The following DDO variants were observed in gnomAD, a reference collection of about 807,000 sequenced individuals.
DDO encodes the protein D-aspartate oxidase, DDO.
In DDO, 16 loss-of-function variants were observed where a neutral mutation model predicts 16.8. The ratio of observed to expected loss-of-function variants is 0.95; its 90% CI spans 0.65 to 1.45. The LOEUF (loss-of-function observed/expected upper bound fraction) is 1.45, where lower values mean the gene tolerates loss of function less well. Ranked by LOEUF, DDO falls within the 40% of genes most tolerant of loss-of-function variation. The probability of loss-of-function intolerance (pLI) is 0.00; values close to 1 mark genes in which losing one functional copy is unlikely to be tolerated. For missense variants in DDO, 429 were observed against 420.3 expected, an observed-to-expected ratio of 1.02 and a Z score of -0.18; for synonymous variants, 180 against 167.2, an observed-to-expected ratio of 1.08 and a Z score of -0.59.
chr6:110,398,247 A>C (rs1416674213), intron 4 of DDO, among the ~76,000 whole-genome samples: 1 of 152,098 alleles, frequency 6.6e-6, no homozygotes, highest in African/African-American at 2.4e-5. Context: ...GACTGCATCA[A>C]CCTGACCCAC....
chr6:110,410,608 G>C lies in DDO; in HGVS notation c.173-2166C>G, dbSNP rs550015887. ...CATGGTGGCAGGAAGAGAAGAATGA[G>C]AGCTGAGCTCAGCAAAGTGGGGAAA... On this transcript the variant is annotated intron_variant, in intron 2 of 4. Transcript: ENST00000368924. Among the ~76,000 whole-genome samples the C allele has an allele frequency of 9.2e-5, 14 of 152,296 alleles. 1 individual carries two copies. The South Asian group carries it at 2.7e-3, about 29-fold the overall frequency.
intron 4 of DDO, among the ~76,000 whole-genome samples, chr6:110,400,779 G>A (rs1773461649): frequency 6.6e-6 from 1 of 152,230 alleles, no homozygotes; most frequent in African/African-American, 2.4e-5. Flanking sequence ...ATAAGCTCAA[G>A]GCTATCACTA....
Position 110,392,850 on chromosome 6 carries a change from A to C in DDO, c.951T>G (p.Thr317=), listed in dbSNP as rs767657019. 1.2e-6 allele frequency: 2 copies of C among 1,613,772 alleles called. No homozygotes were observed. The highest frequency in any genetic ancestry group is 1.7e-6 in the Non-Finnish European group (2 of 1,179,792). Reference sequence around the variant, plus strand: ...TCACCAGCCTGGCGGCCTCCAGAGCAGTGCCCCAGTGCACTGAGATGCCCC... The same window carrying C: ...TCACCAGCCTGGCGGCCTCCAGAGCCGTGCCCCAGTGCACTGAGATGCCCC... ...GSGGISVHWG[T]ALEAARLVSE... The change falls in exon 5 of 5, where the codon ACT becomes ACG. Residue 317 remains threonine (T), a synonymous_variant. Transcript: ENST00000368924.
intron 1 of DDO, among the ~76,000 whole-genome samples, chr6:110,414,387 A>T (rs772160673): frequency 1.3e-5 from 2 of 152,214 alleles, no homozygotes; most frequent in Non-Finnish European, 2.9e-5. Flanking sequence ...CATCTGTAAC[A>T]CAGAACAGAT....
intron 4 of DDO, among the ~76,000 whole-genome samples, chr6:110,396,551 T>C (rs1773297335): frequency 1.3e-5 from 2 of 152,224 alleles, no homozygotes; most frequent in Non-Finnish European, 2.9e-5. Flanking sequence ...GTATATTGTT[T>C]ACCTGAGACA....
chr6:110,389,315 TAC>T (rs572064289), downstream of DDO, among the ~76,000 whole-genome samples: 53 of 152,308 alleles, frequency 3.5e-4, no homozygotes, highest in African/African-American at 1.0e-3. Flanking sequence ...GCCTCCAGCT[TAC>T]AGACAGCAGA....
chr6:110,403,147 A>G (rs887402536), intron 4 of DDO, among the ~76,000 whole-genome samples: 3 of 152,220 alleles, frequency 2.0e-5, no homozygotes, highest in Non-Finnish European at 2.9e-5. Flanking sequence ...TAAAAATGTT[A>G]TGCATTGTAT....
rs148812598 is a variant in DDO, at chr6:110,393,063, C to T, written c.738G>A (p.Pro246=). Residue 246 remains proline, a synonymous_variant, in exon 5 of 5, where the codon CCG becomes CCA. Transcript: ENST00000368924. ...TRQKGDWNLS[P]DAENSREILS... is the part of the protein sequence containing the mutation. ...GAATCTCTCTGCTATTTTCTGCATC[C>T]GGGGACAGATTCCAGTCCCCTTTTT... 2.4e-4 allele frequency: 383 copies of T among 1,613,234 alleles called. No individual in the cohort carries two copies. Among genetic ancestry groups the T allele is most frequent in the African/African-American group, 1.1e-3 (83 of 75,048 alleles).
chr6:110,392,534 C>T lies in DDO; in HGVS notation c.*241G>A. ...TTTTTTTAGAGGTGGGAACTGGCAC[C>T]TCTAAAAAATGTTACCCAGATTGCA... On this transcript the variant is annotated 3_prime_UTR_variant, in exon 5 of 5. Transcript: ENST00000368924. 1.7e-6 allele frequency: 2 copies of T among 1,199,828 alleles called. No homozygotes were observed. Among genetic ancestry groups the T allele is most frequent in the Non-Finnish European group, 2.1e-6 (2 of 968,504 alleles). 74.3% of individuals were successfully genotyped at this position (1,199,828 alleles called of 1,614,324 possible). A position where few individuals can be genotyped will look rare whatever the true frequency, so the allele number is the denominator to read the frequency against.
downstream of DDO, among the ~76,000 whole-genome samples, chr6:110,391,192 G>C (rs897148368): frequency 6.6e-6 from 1 of 152,150 alleles, no homozygotes; most frequent in African/African-American, 2.4e-5. Context: ...CTGAATGAAC[G>C]CAACAGTAAA....
chr6:110,411,638 T>C (rs940227606), intron 2 of DDO, among the ~76,000 whole-genome samples: 32 of 151,406 alleles, frequency 2.1e-4, no homozygotes, highest in African/African-American at 7.5e-4. Flanking sequence ...GAAAGTAAAA[T>C]AGAGAGAGAT....
At chr6:110,389,164 C>T (rs1467740577), downstream of DDO, among the ~76,000 whole-genome samples, 1 of 152,178 alleles carries the variant, frequency 6.6e-6, no homozygotes, top group Non-Finnish European at 1.5e-5. Context: ...TGAGGAAGGA[C>T]AAATTTGCTC....
chr6:110,395,715 G>C (rs1189276137), intron 4 of DDO, among the ~76,000 whole-genome samples: 1 of 152,166 alleles, frequency 6.6e-6, no homozygotes, highest in Non-Finnish European at 1.5e-5. Flanking sequence ...CTGCAATGGT[G>C]GTCAATGATG....
intron 2 of DDO, among the ~76,000 whole-genome samples, 153 bp from the exon 3 acceptor site, chr6:110,408,595 ATTGTGGC>A: frequency 6.6e-6 from 1 of 151,638 alleles, no homozygotes; most frequent in Admixed American, 6.5e-5. Context: ...AAAGTGCCAC[ATTGTGGC>A]AGAGGATCTG....
rs2114805804 is a variant in DDO, at chr6:110,393,233, G to A, written c.568C>T (p.Leu190Phe). The change falls in exon 5 of 5, where the codon CTT (leucine) becomes TTT (phenylalanine). Residue 190 changes from leucine to phenylalanine, a missense_variant. Physicochemically the swap from Leu to Phe is conservative, Grantham distance 22. Transcript: ENST00000368924. ...VNCSGLGSRQ[L>F]AGDSKIFPVR... ...GGGAAAATCTTTGAGTCTCCTGCAA[G>A]CTGTCTGCTTCCAAGGCCTGAACAG... 2 of 1,614,222 alleles carry A rather than the reference G, an allele frequency of 1.2e-6. No individual in the cohort carries two copies. Among genetic ancestry groups the A allele is most frequent in the East Asian group, 4.5e-5 (2 of 44,884 alleles).
intron 4 of DDO, among the ~76,000 whole-genome samples, chr6:110,395,314 C>G (rs1773255498): frequency 6.6e-6 from 1 of 152,124 alleles, no homozygotes; most frequent in South Asian, 2.1e-4. Context: ...TTGGCTTTTT[C>G]CTCTTTTTGG....
At position 110,413,326 on chromosome 6, in the gene DDO, A is replaced by C. The variant is rs762075747; in HGVS notation, c.137T>G (p.Val46Gly). The C allele has an allele frequency of 1.2e-6, 2 of 1,614,072 alleles. No homozygotes were observed. Among genetic ancestry groups the C allele is most frequent in the African/African-American group, 2.7e-5 (2 of 74,904 alleles). The change falls in exon 2 of 5, where the codon GTG (valine) becomes GGG (glycine). Residue 46 changes from valine to glycine, a missense_variant. By Grantham distance (109) the Val-to-Gly change is moderately radical (BLOSUM62 -3). Transcript: ENST00000368924. ...DKFTPDTTSDVAAGMLIPHTY... is the reference protein window; with the variant it reads ...DKFTPDTTSDGAAGMLIPHTY... ...GTGAGGAATAAGCATTCCGGCTGCC[A>C]CATCACTGGTGGTATCTGGAGTAAA...
At position 110,392,166 on chromosome 6, in the gene DDO, A is replaced by C; in HGVS notation, c.*609T>G. 2.0e-6 allele frequency: 2 copies of C among 985,006 alleles called. No homozygotes were observed. Among genetic ancestry groups the C allele is most frequent in the Non-Finnish European group, 2.4e-6 (2 of 829,518 alleles). 61.0% of individuals were successfully genotyped at this position (985,006 alleles called of 1,614,324 possible). ...CATGCTTTGTCTTCAATTAAATGTA[A>C]TAATCCAGCACTGTGTGAGCACAAT... On this transcript the variant is annotated 3_prime_UTR_variant, in exon 5 of 5. Coordinates refer to ENST00000368924, the MANE Select transcript of DDO (RefSeq NM_001372108.2).
At chr6:110,411,546 G>C (rs1455182023) in intron 2 of DDO, among the ~76,000 whole-genome samples, 1 of 152,084 alleles carries the variant, frequency 6.6e-6, no homozygotes, top group Non-Finnish European at 1.5e-5. Flanking sequence ...GAACAAAAAA[G>C]AGCTTTGGAA....
Sources: allele counts gnomAD v4.1 joint callset (sites outside exome capture counted in the v4.1 genomes callset), GRCh38; gene constraint gnomAD v4.1.1; transcripts MANE v1.5; gene names NCBI Gene and HGNC (gene_info 2026-07-23, HGNC 2026-07-21).